Variants in DAD1 observed in about 807,000 individuals in gnomAD.
DAD1 encodes the protein defender against cell death 1, also known as dolichyl-diphosphooligosaccharide--protein glycosyltransferase subunit DAD1.
Under a neutral mutation model 9.0 loss-of-function variants are expected in DAD1, and 4 were observed. The ratio of observed to expected loss-of-function variants is 0.44; its 90% CI spans 0.22 to 1.01. The LOEUF is 1.01. DAD1 is among the 50% of genes least tolerant of loss of function. The pLI is 0.24. For synonymous variants in DAD1, 60 were observed against 62.5 expected (o/e 0.96, Z 0.19); for missense variants, 119 against 137.3 (o/e 0.87, Z 0.67).
At chr14:22,577,572 A>G (rs764438831) in intron 1 of DAD1, among the ~76,000 whole-genome samples, 7 of 152,214 alleles carry the variant, frequency 4.6e-5, no homozygotes, top group Non-Finnish European at 1.0e-4. Flanking sequence ...GCAAAGTGTG[A>G]TGTATACATA....
chr14:22,568,670 C>A (rs1056087816), intron 2 of DAD1, among the ~76,000 whole-genome samples: 1 of 151,040 alleles, frequency 6.6e-6, no homozygotes, highest in Non-Finnish European at 1.5e-5. Flanking sequence ...GTTAACAGAG[C>A]AAAGCCTACA....
intron 2 of DAD1, among the ~76,000 whole-genome samples, chr14:22,572,188 G>C (rs562841238): frequency 6.7e-6 from 1 of 150,032 alleles, no homozygotes; most frequent in Non-Finnish European, 1.5e-5. Context: ...TGTAAGATCA[G>C]CTATATTACA....
chr14:22,573,222 A>G (rs2037053344), intron 2 of DAD1, among the ~76,000 whole-genome samples: 2 of 151,324 alleles, frequency 1.3e-5, no homozygotes, highest in African/African-American at 4.9e-5. Context: ...TATGTTGCCC[A>G]TGCTGGTCTC....
At chr14:22,583,220 T>A (rs935082071) in intron 1 of DAD1, among the ~76,000 whole-genome samples, 1 of 150,762 alleles carries the variant, frequency 6.6e-6, no homozygotes, top group African/African-American at 2.5e-5. Flanking sequence ...GTTGTAGGTA[T>A]ACAGGTGTTA....
At position 22,565,054 on chromosome 14, in the gene DAD1, AG is replaced by A. The variant is rs2036993685; in HGVS notation, c.*127del. 1.4e-6 allele frequency: 1 copy of A among 699,128 alleles called. No homozygotes were observed. The highest frequency in any genetic ancestry group is 1.5e-5 in the South Asian group (1 of 66,932). 43.3% of individuals were successfully genotyped at this position (699,128 alleles called of 1,614,324 possible). On this transcript the variant is annotated 3_prime_UTR_variant, in exon 3 of 3. Transcript: ENST00000250498. The stretch of plus-strand genomic sequence containing the variant: ...CTCCTGCATAAAAAGCAGAGCTAGC[AG>A]TAAGTGCAAATCTGAAGAAAATCCA...
At chr14:22,576,096 A>G (rs1340912261) in intron 1 of DAD1, among the ~76,000 whole-genome samples, 1 of 152,164 alleles carries the variant, frequency 6.6e-6, no homozygotes, top group Non-Finnish European at 1.5e-5. Context: ...CTGGAACCCA[A>G]GCGATCCTCC....
intron 2 of DAD1, among the ~76,000 whole-genome samples, chr14:22,565,832 C>A (rs558693956): frequency 2.0e-5 from 3 of 152,248 alleles, no homozygotes; most frequent in African/African-American, 7.2e-5. Context: ...TACTGGACTC[C>A]AGCACAGCTC....
At chr14:22,569,581 A>C (rs529193726) in intron 2 of DAD1, among the ~76,000 whole-genome samples, 22 of 152,368 alleles carry the variant, frequency 1.4e-4, no homozygotes, top group Admixed American at 1.4e-3. Context: ...GGAATGCAGT[A>C]GACTAAGGGC....
chr14:22,576,892 T>G (rs1328869723), intron 1 of DAD1, among the ~76,000 whole-genome samples: 1 of 152,162 alleles, frequency 6.6e-6, no homozygotes, highest in Non-Finnish European at 1.5e-5. Context: ...CATTAATCAC[T>G]AGGGCAATAC....
Position 22,589,141 on chromosome 14 carries a change from A to G in DAD1, c.17T>C (p.Val6Ala). 3.7e-6 allele frequency: 6 copies of G among 1,614,206 alleles called. No individual in the cohort carries two copies. The highest frequency in any genetic ancestry group is 5.1e-6 in the Non-Finnish European group (6 of 1,180,028). ...TTCTAAGAACCGCGAAATGACAGAC[A>G]CTACCGACGCCGACATAACTGCACG... MSASV[V>A]SVISRFLEEY... The change falls in exon 1 of 3, where the codon GTG (valine) becomes GCG (alanine). Residue 6 changes from valine to alanine, a missense_variant. Val to Ala is a moderately conservative substitution (Grantham distance 64). Transcript: ENST00000250498.
intron 2 of DAD1, among the ~76,000 whole-genome samples, chr14:22,571,346 C>T (rs988365957): frequency 1.3e-4 from 19 of 142,120 alleles, no homozygotes; most frequent in African/African-American, 5.2e-4. Context: ...CACAAAGAAA[C>T]ACAGAAGAAC....
At chr14:22,587,907 T>C (rs1024546348) in intron 1 of DAD1, among the ~76,000 whole-genome samples, 2 of 152,192 alleles carry the variant, frequency 1.3e-5, no homozygotes, top group African/African-American at 2.4e-5. Flanking sequence ...GGCTAATTTA[T>C]GTATTTTCAG....
At chr14:22,578,796 T>A (rs2037095835) in intron 1 of DAD1, among the ~76,000 whole-genome samples, 1 of 152,060 alleles carries the variant, frequency 6.6e-6, no homozygotes, top group Admixed American at 6.6e-5. Flanking sequence ...AATTTCGCAC[T>A]CTGTTAAAGG....
chr14:22,575,038 A>C, intron 2 of DAD1, 21 bp downstream of exon 2: 1 of 1,575,558 alleles, frequency 6.3e-7, no homozygotes, highest in Non-Finnish European at 8.7e-7. Flanking sequence ...TTATAGGACA[A>C]GGACTATGAT....
At chr14:22,583,106 G>A (rs973332967) in intron 1 of DAD1, among the ~76,000 whole-genome samples, 3 of 151,774 alleles carry the variant, frequency 2.0e-5, no homozygotes, top group African/African-American at 7.3e-5. Flanking sequence ...GACATGTTAA[G>A]TTCAAGGTAC....
At position 22,589,186 on chromosome 14, in the gene DAD1, C is replaced by A. The variant is rs113477152; in HGVS notation, c.-29G>T. ...TGCACGCAAGGTACTCCGGTCCGCG[C>A]CCCAAACTCTTGGAGGACCCGTCGA... On this transcript the variant is annotated 5_prime_UTR_variant, in exon 1 of 3. Coordinates refer to ENST00000250498, the MANE Select transcript of DAD1 (RefSeq NM_001344.4). 662 of 1,612,012 alleles carry A rather than the reference C, an allele frequency of 4.1e-4. 5 individuals carry two copies. The African/African-American group carries it at 6.5e-3, about 16-fold the overall frequency.
intron 1 of DAD1, among the ~76,000 whole-genome samples, chr14:22,580,374 CCA>C (rs961308615): frequency 2.0e-5 from 3 of 151,880 alleles, no homozygotes; most frequent in Non-Finnish European, 4.4e-5. Flanking sequence ...CTGCAGTGAG[CCA>C]CAGTCATGCC....
rs987949707 is a variant in DAD1, at chr14:22,588,807, T to C, written c.211+140A>G. ...ATAATCTAAGCTTTCTGAGCCTCAA[T>C]TTCCCCATTCACAACAAAAGGGCAA... On this transcript the variant is annotated intron_variant, in intron 1 of 2. Transcript: ENST00000250498. 5 of 853,852 alleles carry C rather than the reference T, an allele frequency of 5.9e-6. No homozygotes were observed. The African/African-American group carries it at 8.6e-5, about 15-fold the overall frequency. The allele number at this position is 853,852 out of a possible 1,614,324, so 52.9% of individuals were successfully genotyped here. A position where few individuals can be genotyped will look rare whatever the true frequency, so the allele number is the denominator to read the frequency against.
chr14:22,584,934 G>T (rs1433424208), intron 1 of DAD1, among the ~76,000 whole-genome samples: 2 of 152,242 alleles, frequency 1.3e-5, no homozygotes, highest in Admixed American at 6.5e-5. Context: ...CTTCATAAGA[G>T]ATATTGAGAG....
Sources: allele counts gnomAD v4.1 joint callset (sites outside exome capture counted in the v4.1 genomes callset), GRCh38; gene constraint gnomAD v4.1.1; transcripts MANE v1.5; gene names NCBI Gene and HGNC (gene_info 2026-07-23, HGNC 2026-07-21).